The following ABCC1 variants were observed in gnomAD, a reference collection of about 807,000 sequenced individuals.
The protein encoded by ABCC1 is ATP binding cassette subfamily C member 1 (ABCC1 blood group).
Under a neutral mutation model 172.9 loss-of-function variants are expected in ABCC1, and 83 were observed. The ratio of observed to expected loss-of-function variants is 0.48; its 90% CI spans 0.40 to 0.58. The LOEUF is 0.58. Ranked by LOEUF, ABCC1 falls within the 20% of genes least tolerant of loss-of-function variation. ABCC1 has a pLI of 0.00. For synonymous variants in ABCC1, 937 were observed against 825.2 expected (o/e 1.14, Z -2.32); for missense variants, 1,817 against 2,002.7 (o/e 0.91, Z 1.77).
chr16:16,003,470 A>G (rs13332722), intron 1 of ABCC1, among the ~76,000 whole-genome samples: 6,682 of 91,828 alleles, frequency 0.073, 913 homozygotes, highest in East Asian at 0.38. Context: ...TGGGTGAATT[A>G]GTGGATGGGT....
At chr16:16,026,365 C>T (rs569576058) in intron 5 of ABCC1, among the ~76,000 whole-genome samples, 7 of 126,222 alleles carry the variant, frequency 5.5e-5, no homozygotes, top group South Asian at 2.7e-4. Flanking sequence ...ATTTGGGAAG[C>T]GGAGGCTGCA....
intron 1 of ABCC1, among the ~76,000 whole-genome samples, chr16:15,991,985 G>A (rs756830812): frequency 3.3e-5 from 5 of 152,098 alleles, no homozygotes; most frequent in Non-Finnish European, 7.4e-5. Context: ...AGTGGCAGGC[G>A]AGCGTGTGAG....
intron 5 of ABCC1, among the ~76,000 whole-genome samples, chr16:16,032,497 A>C (rs2048592144): frequency 6.6e-6 from 1 of 152,216 alleles, no homozygotes; most frequent in Non-Finnish European, 1.5e-5. Context: ...GGTGCTTGGC[A>C]CAAGGGTTGT....
At chr16:16,132,510 G>GTTTTTTTGTTTTTTTTTT (rs2045735977) in intron 27 of ABCC1, among the ~76,000 whole-genome samples, 1 of 37,298 alleles carries the variant, frequency 2.7e-5, no homozygotes. Flanking sequence ...TTGGTTGGTT[G>GTTTTTTTGTTTTTTTTTT]TTTTTTTTTT....
chr16:16,015,601 A>G (rs912840232), intron 4 of ABCC1, among the ~76,000 whole-genome samples: 9 of 152,202 alleles, frequency 5.9e-5, no homozygotes. Flanking sequence ...CATGTTTTCA[A>G]AGTGCCTCGC....
intron 10 of ABCC1, among the ~76,000 whole-genome samples, chr16:16,050,050 C>G (rs189354137): frequency 8.5e-5 from 13 of 152,226 alleles, no homozygotes; most frequent in African/African-American, 2.9e-4. Flanking sequence ...ACTGCCTCCT[C>G]TTTGAAGGGT....
chr16:16,027,743 G>A (rs1282263904), intron 5 of ABCC1, among the ~76,000 whole-genome samples: 1 of 152,142 alleles, frequency 6.6e-6, no homozygotes, highest in African/African-American at 2.4e-5. Context: ...AACCTGGGAG[G>A]TCGAGGCTGC....
At chr16:16,115,158 AC>A (rs2044803150) in intron 23 of ABCC1, 82 bp downstream of exon 23, 4 of 1,429,100 alleles carry the variant, frequency 2.8e-6, no homozygotes, top group Non-Finnish European at 3.8e-6. Context: ...GTTTTATCTT[AC>A]CATGTCCCCA....
chr16:16,108,617 A>AT (rs1021822126), intron 21 of ABCC1, among the ~76,000 whole-genome samples: 1 of 140,164 alleles, frequency 7.1e-6, no homozygotes, highest in African/African-American at 2.7e-5. Context: ...TTTTTCTGAG[A>AT]CAAGGTCTGA....
At chr16:16,099,079 A>C (rs997882258) in intron 19 of ABCC1, among the ~76,000 whole-genome samples, 3 of 152,120 alleles carry the variant, frequency 2.0e-5, no homozygotes, top group Non-Finnish European at 4.4e-5. Flanking sequence ...TCTGGCTTTG[A>C]GGCTGGCACT....
At chr16:16,063,464 C>A (rs1319636149) in intron 12 of ABCC1, among the ~76,000 whole-genome samples, 1 of 152,128 alleles carries the variant, frequency 6.6e-6, no homozygotes. Flanking sequence ...GCAAATAGTT[C>A]ATGCTCTGTA....
intron 3 of ABCC1, among the ~76,000 whole-genome samples, chr16:16,013,218 G>T (rs966447636): frequency 2.6e-5 from 4 of 151,938 alleles, no homozygotes; most frequent in Non-Finnish European, 5.9e-5. Context: ...ATATCCCAGG[G>T]AACCAGGATA....
At chr16:15,977,607 T>C (rs2046524273) in intron 1 of ABCC1, among the ~76,000 whole-genome samples, 1 of 152,114 alleles carries the variant, frequency 6.6e-6, no homozygotes, top group Non-Finnish European at 1.5e-5. Context: ...TGTCTCCATG[T>C]TGGCAAATCT....
Position 16,136,549 on chromosome 16 carries a change from C to G in ABCC1, c.4197C>G (p.Val1399=). 6.2e-7 allele frequency: 1 copy of G among 1,614,174 alleles called. No homozygotes were observed. Among genetic ancestry groups the G allele is most frequent in the Non-Finnish European group, 8.5e-7 (1 of 1,180,036 alleles). Residue 1399 remains valine, a synonymous_variant, in exon 29 of 31, where the codon GTC becomes GTG. Coordinates refer to ENST00000399410, the MANE Select transcript of ABCC1 (RefSeq NM_004996.4). ...DPFSQYSDEE[V]WTSLELAHLK... ...TCAGCCAGTACTCGGATGAAGAAGT[C>G]TGGACGTCCCTGGAGCTGGCCCACC... is the stretch of plus-strand genomic sequence containing the variant.
chr16:16,079,261 A>G (rs2050708696), intron 15 of ABCC1, 91 bp from the exon 16 acceptor site: 1 of 1,550,696 alleles, frequency 6.4e-7, no homozygotes, highest in Admixed American at 1.8e-5. Context: ...CTCTTTCTCT[A>G]CTTGGGGTAA....
At chr16:16,047,481 C>G (rs904135012) in intron 9 of ABCC1, among the ~76,000 whole-genome samples, 2 of 152,030 alleles carry the variant, frequency 1.3e-5, no homozygotes, top group Non-Finnish European at 2.9e-5. Context: ...TTAAAACTCA[C>G]GAGGTGATAG....
chr16:16,132,704 T>C (rs1000687400), intron 27 of ABCC1, among the ~76,000 whole-genome samples: 1 of 150,778 alleles, frequency 6.6e-6, no homozygotes, highest in Non-Finnish European at 1.5e-5. Flanking sequence ...GTGTTATTAG[T>C]AGAGATGGGG....
chr16:16,140,944 C>A (rs938476874), intron 30 of ABCC1, among the ~76,000 whole-genome samples: 2 of 152,218 alleles, frequency 1.3e-5, no homozygotes, highest in Non-Finnish European at 2.9e-5. Context: ...ATACCATTCA[C>A]ACCATGATTG....
intron 1 of ABCC1, among the ~76,000 whole-genome samples, chr16:15,981,683 A>G (rs566029286): frequency 1.3e-5 from 2 of 152,162 alleles, no homozygotes; most frequent in Non-Finnish European, 2.9e-5. Flanking sequence ...GGGAGGGGCT[A>G]CTGCAAAGGT....
Sources: allele counts gnomAD v4.1 joint callset (sites outside exome capture counted in the v4.1 genomes callset), GRCh38; gene constraint gnomAD v4.1.1; transcripts MANE v1.5; gene names NCBI Gene and HGNC (gene_info 2026-07-23, HGNC 2026-07-21).